Variants in WDPCP observed in about 807,000 individuals in gnomAD.
The protein encoded by WDPCP is WD repeat containing planar cell polarity effector.
A neutral mutation model predicts 93.1 loss-of-function variants in WDPCP; 71 were observed. The ratio of observed to expected loss-of-function variants is 0.76; its 90% confidence interval spans 0.63 to 0.93. The LOEUF is 0.93. Ranked by LOEUF, WDPCP falls within the 40% of genes least tolerant of loss-of-function variation. WDPCP has a pLI of 0.00. For missense variants in WDPCP, 844 were observed against 887.4 expected (o/e 0.95, Z 0.62); for synonymous variants, 315 against 315.0 (o/e 1.00, Z 0.00).
At chr2:63,264,708 T>G (rs1276739772) in intron 13 of WDPCP, among the ~76,000 whole-genome samples, 1 of 152,134 alleles carries the variant, frequency 6.6e-6, no homozygotes, top group Non-Finnish European at 1.5e-5. Context: ...CAATTTAAAC[T>G]ACAATTAAAA....
chr2:63,649,233 C>T (rs186120949), intron 3 of WDPCP, among the ~76,000 whole-genome samples: 1 of 152,184 alleles, frequency 6.6e-6, no homozygotes, highest in East Asian at 1.9e-4. Context: ...CCCTAAACTA[C>T]TTTCTGTGTC....
chr2:63,592,913 C>T (rs1709226879), upstream of WDPCP, among the ~76,000 whole-genome samples: 1 of 151,864 alleles, frequency 6.6e-6, no homozygotes, highest in Non-Finnish European at 1.5e-5. Flanking sequence ...TTCCTGTATT[C>T]CCTTTTCCTC....
At chr2:63,611,625 C>G (rs1247947938) in intron 3 of WDPCP, among the ~76,000 whole-genome samples, 1 of 152,204 alleles carries the variant, frequency 6.6e-6, no homozygotes, top group East Asian at 1.9e-4. Context: ...AACTCATCAT[C>G]TTTATGATCT....
intron 13 of WDPCP, among the ~76,000 whole-genome samples, chr2:63,274,526 T>C (rs182422286): frequency 6.6e-6 from 1 of 151,678 alleles, no homozygotes; most frequent in East Asian, 1.9e-4. Context: ...CACAAGAAAA[T>C]TGGTTCACTG....
chr2:63,495,801 A>G (rs1454981575), intron 1 of WDPCP, among the ~76,000 whole-genome samples: 1 of 152,208 alleles, frequency 6.6e-6, no homozygotes, highest in Non-Finnish European at 1.5e-5. Flanking sequence ...GGAAAAAAAT[A>G]AAATAATAAA....
intron 9 of WDPCP, among the ~76,000 whole-genome samples, chr2:63,416,504 C>CCCTTATAATGATATGTT (rs375812264): frequency 1.3e-5 from 2 of 149,320 alleles, no homozygotes; most frequent in African/African-American, 4.9e-5. Flanking sequence ...TTGGATATGA[C>CCCTTATAATGATATGTT]ATTAGCATTA....
At chr2:63,644,684 T>A (rs1352785085) in intron 3 of WDPCP, among the ~76,000 whole-genome samples, 1 of 152,248 alleles carries the variant, frequency 6.6e-6, no homozygotes, top group Non-Finnish European at 1.5e-5. Flanking sequence ...TTCAATCTTG[T>A]CACCTGTTAT....
At chr2:63,799,153 C>T (rs149572546) in intron 2 of WDPCP, among the ~76,000 whole-genome samples, 3 of 152,196 alleles carry the variant, frequency 2.0e-5, no homozygotes, top group Admixed American at 6.5e-5. Context: ...TTCCCTATTA[C>T]GTATGTCAAC....
chr2:63,166,383 T>G (rs1406050608), intron 15 of WDPCP, among the ~76,000 whole-genome samples: 1 of 151,366 alleles, frequency 6.6e-6, no homozygotes, highest in Non-Finnish European at 1.5e-5. Context: ...ATTTGTTGGA[T>G]ACGTAGTAGG....
chr2:63,779,542 T>C (rs1422539408), intron 2 of WDPCP, among the ~76,000 whole-genome samples: 7 of 152,144 alleles, frequency 4.6e-5, no homozygotes, highest in Admixed American at 4.6e-4. Context: ...AGCAACACAG[T>C]GCTTCTATGG....
intron 14 of WDPCP, among the ~76,000 whole-genome samples, chr2:63,193,913 C>T (rs891907795): frequency 6.6e-6 from 1 of 152,106 alleles, no homozygotes; most frequent in Non-Finnish European, 1.5e-5. Context: ...TGATACTGGT[C>T]ATGATCCTTG....
intron 12 of WDPCP, among the ~76,000 whole-genome samples, chr2:63,373,788 C>A (rs1415789344): frequency 6.6e-6 from 1 of 151,914 alleles, no homozygotes; most frequent in African/African-American, 2.4e-5. Flanking sequence ...CCTCTCCTTC[C>A]TTGAAAATTA....
intron 10 of WDPCP, among the ~76,000 whole-genome samples, chr2:63,395,354 T>C (rs974961073): frequency 1.3e-5 from 2 of 152,294 alleles, no homozygotes; most frequent in Admixed American, 6.5e-5. Context: ...TTGTACTCAA[T>C]AGGCAGTATT....
At chr2:63,623,814 A>T (rs1709776708) in intron 3 of WDPCP, among the ~76,000 whole-genome samples, 1 of 152,210 alleles carries the variant, frequency 6.6e-6, no homozygotes, top group Non-Finnish European at 1.5e-5. Context: ...CAGGACTTGA[A>T]CTTAGCTCTG....
At chr2:63,661,741 T>C (rs1211942616) in intron 2 of WDPCP, among the ~76,000 whole-genome samples, 1 of 152,180 alleles carries the variant, frequency 6.6e-6, no homozygotes, top group Non-Finnish European at 1.5e-5. Context: ...GCTGACATAA[T>C]AGATGCTAAA....
chr2:63,696,288 G>A (rs779370777), intron 2 of WDPCP, among the ~76,000 whole-genome samples: 17 of 123,490 alleles, frequency 1.4e-4, no homozygotes, highest in African/African-American at 5.4e-4. Flanking sequence ...GAAGTGATCC[G>A]ATCCGTTGCT....
chr2:63,516,425 A>T (rs1338027101), intron 1 of WDPCP, among the ~76,000 whole-genome samples: 1 of 152,160 alleles, frequency 6.6e-6, no homozygotes, highest in Non-Finnish European at 1.5e-5. Flanking sequence ...TAAAGTTCTG[A>T]CTACTTTGCC....
chr2:63,425,264 C>A (rs1696185113), intron 9 of WDPCP, among the ~76,000 whole-genome samples: 1 of 152,122 alleles, frequency 6.6e-6, no homozygotes, highest in Non-Finnish European at 1.5e-5. Context: ...AAGACAATAC[C>A]AGCCCGCTCA....
In WDPCP at chr2:63,723,046, C is replaced by T. The variant is rs948565895; in HGVS notation, n.309-72208G>A. 1.1e-4 allele frequency among the ~76,000 whole-genome samples: 17 copies of T among 152,304 alleles called. No individual in the cohort carries two copies. The South Asian group carries it at 1.5e-3, about 13-fold the overall frequency. On this transcript the variant is annotated intron_variant and non_coding_transcript_variant, in intron 2 of 4. Transcript: ENST00000467687. ...CACTCAGCGTTGAACGGATTAAGGG[C>T]GGTGCAAGATGTGCTTTGTTAAACA...
Sources: allele counts gnomAD v4.1 joint callset (sites outside exome capture counted in the v4.1 genomes callset), GRCh38; gene constraint gnomAD v4.1.1; transcripts MANE v1.5; gene names NCBI Gene and HGNC (gene_info 2026-07-23, HGNC 2026-07-21).